STIMATE: variants seen among roughly 807,000 people sequenced by gnomAD.
STIMATE encodes the protein STIM activating enhancer.
Under a neutral mutation model 36.7 loss-of-function variants are expected in STIMATE, and 15 were observed. That is an observed-to-expected ratio of 0.41 (90% CI 0.27 to 0.63). The LOEUF is 0.63. Among genes scored for constraint, STIMATE ranks in the 20% least tolerant of loss-of-function variants. STIMATE has a pLI of 0.32. For missense variants in STIMATE, 305 were observed against 397.3 expected (o/e 0.77, Z 1.98); for synonymous variants, 163 against 162.3 (o/e 1.00, Z -0.03).
chr3:52,895,862 A>G, intron 1 of STIMATE: 1 of 1,285,224 alleles, frequency 7.8e-7, no homozygotes. Flanking sequence ...TAGGAGGGGT[A>G]TGAAGATCCA....
chr3:52,852,729 G>T, intron 2 of STIMATE, 31 bp from the exon 3 acceptor site: 1 of 1,609,652 alleles, frequency 6.2e-7, no homozygotes, highest in African/African-American at 1.3e-5. Context: ...CTGGTTATTA[G>T]CCTGACAGGA....
At position 52,852,568 on chromosome 3, in the gene STIMATE, C is replaced by T. The variant is rs374530442; in HGVS notation, c.305+35G>A. 1.3e-5 allele frequency: 21 copies of T among 1,610,732 alleles called. No homozygotes were observed. In the African/African-American group the frequency reaches 2.7e-4, roughly 20 times the overall value. On this transcript the variant is annotated intron_variant, in intron 3 of 7. Coordinates refer to ENST00000355083, the MANE Select transcript of STIMATE (RefSeq NM_198563.5). ...CCAGCCTATATTTTCAATGGAGGGG[C>T]AGCTGATGTTTGCACTCAAATAGGG...
rs1237219990 is a variant in STIMATE at position 52,843,710 on chromosome 3, A to T, written c.618+11T>A. The T allele has an allele frequency of 1.9e-6, 3 of 1,613,876 alleles. No individual in the cohort carries two copies. Among genetic ancestry groups the T allele is most frequent in the Non-Finnish European group, 2.5e-6 (3 of 1,179,962 alleles). The stretch of plus-strand genomic sequence containing the variant: ...GAGCAAATCGGGATAAAAATGCAAC[A>T]TGGCACTGACGTTGACAAAGAAGGG... On this transcript the variant is annotated intron_variant, in intron 6 of 7. Coordinates refer to ENST00000355083, the MANE Select transcript of STIMATE (RefSeq NM_198563.5).
At chr3:52,841,147 T>C (rs1362904616) in intron 7 of STIMATE, among the ~76,000 whole-genome samples, 2 of 152,202 alleles carry the variant, frequency 1.3e-5, no homozygotes, top group African/African-American at 4.8e-5. Flanking sequence ...CCCCTTCCTC[T>C]GCTAATGCTC....
intron 1 of STIMATE, chr3:52,895,779 T>A: frequency 1.2e-6 from 1 of 806,568 alleles, no homozygotes; most frequent in Non-Finnish European, 1.7e-6. Flanking sequence ...AAACCTCAGG[T>A]TAGGGAGCAA....
rs566763894 is a variant in STIMATE, at chr3:52,883,057, C to T, written c.160+14234G>A. Among the ~76,000 whole-genome samples, 10 of 152,310 alleles carry T rather than the reference C, an allele frequency of 6.6e-5. No homozygotes were observed. In the East Asian group the frequency reaches 1.7e-3, roughly 26 times the overall value. ...TGTTACTATCACACTTAACTCATGA[C>T]ATGGTAACTAAAGATGTCAAAACTT... is the stretch of plus-strand genomic sequence containing the variant. On this transcript the variant is annotated intron_variant, in intron 1 of 7. Transcript: ENST00000355083.
At chr3:52,897,265 G>A (rs1249600331) in intron 1 of STIMATE, 26 bp downstream of exon 1, 3 of 1,534,702 alleles carry the variant, frequency 2.0e-6, no homozygotes, top group African/African-American at 2.8e-5. Context: ...CAGGGCCTCC[G>A]GAGGGTCGGG....
intron 1 of STIMATE, among the ~76,000 whole-genome samples, chr3:52,889,903 G>A (rs1701754456): frequency 6.6e-6 from 1 of 152,172 alleles, no homozygotes; most frequent in African/African-American, 2.4e-5. Context: ...ACCCGTAAAA[G>A]AGGCCTGAAA....
intron 4 of STIMATE, among the ~76,000 whole-genome samples, chr3:52,849,054 C>T (rs11715347): frequency 0.52 from 78,915 of 152,124 alleles, 21,700 homozygotes; most frequent in East Asian, 0.62. Context: ...AGCCCACAGC[C>T]ATGAGCTCTT....
intron 1 of STIMATE, among the ~76,000 whole-genome samples, chr3:52,866,650 C>T (rs539694856): frequency 6.6e-6 from 1 of 152,346 alleles, no homozygotes; most frequent in Non-Finnish European, 1.5e-5. Flanking sequence ...TTCCACACGC[C>T]ACTCTCACTT....
intron 1 of STIMATE, among the ~76,000 whole-genome samples, chr3:52,884,268 CAG>C (rs1701657274): frequency 7.2e-6 from 1 of 138,462 alleles, no homozygotes; most frequent in Admixed American, 7.4e-5. Context: ...TTTTTTGAGA[CAG>C]AGTCTCACTC....
chr3:52,845,509 C>T (rs1387924512), intron 4 of STIMATE, among the ~76,000 whole-genome samples: 2 of 152,210 alleles, frequency 1.3e-5, no homozygotes, highest in South Asian at 2.1e-4. Flanking sequence ...TGGACTCTAC[C>T]TGTCCAGCAT....
At chr3:52,878,351 G>A (rs1701537585) in intron 1 of STIMATE, among the ~76,000 whole-genome samples, 1 of 150,836 alleles carries the variant, frequency 6.6e-6, no homozygotes, top group Admixed American at 6.6e-5. Context: ...CTAGAAGTCT[G>A]ATGGTCCTGG....
intron 1 of STIMATE, among the ~76,000 whole-genome samples, chr3:52,864,072 C>G (rs1324696676): frequency 6.6e-6 from 1 of 152,226 alleles, no homozygotes; most frequent in African/African-American, 2.4e-5. Flanking sequence ...GACAGTGGCC[C>G]TCTTCTCACA....
At chr3:52,875,358 C>A (rs970655176) in intron 1 of STIMATE, among the ~76,000 whole-genome samples, 1 of 152,162 alleles carries the variant, frequency 6.6e-6, no homozygotes, top group Non-Finnish European at 1.5e-5. Flanking sequence ...AGAGGTAACA[C>A]GTGTAGCCCC....
In STIMATE at chr3:52,876,536, C is replaced by T. The variant is rs549572743; in HGVS notation, c.160+20755G>A. ...CGGATTTTCTCCCATCTCTGCCACC[C>T]GACACGGCAAGACCAACCCTGAATC... is the stretch of plus-strand genomic sequence containing the variant. On this transcript the variant is annotated intron_variant, in intron 1 of 7. Transcript: ENST00000355083. 1.4e-4 allele frequency among the ~76,000 whole-genome samples: 21 copies of T among 152,302 alleles called. No individual in the cohort carries two copies. The East Asian group carries it at 2.9e-3, about 21-fold the overall frequency.
rs1700770846 is a variant in STIMATE at position 52,840,133 on chromosome 3, G to C, written c.*361C>G. ...GTGAGGAGACCCACCCACGGTCTGT[G>C]TGCCTGTGCTTCCTTCCACCTTGCC... On this transcript the variant is annotated 3_prime_UTR_variant, in exon 8 of 8. Coordinates refer to ENST00000355083, the MANE Select transcript of STIMATE (RefSeq NM_198563.5). The C allele has an allele frequency of 1.3e-5, 2 of 153,984 alleles. No individual in the cohort carries two copies. Among genetic ancestry groups the C allele is most frequent in the South Asian group, 2.0e-4 (1 of 4,916 alleles). The allele number at this position is 153,984 out of a possible 1,614,324, so 9.5% of individuals were successfully genotyped here.
intron 1 of STIMATE, among the ~76,000 whole-genome samples, chr3:52,866,819 C>T (rs921635737): frequency 6.6e-5 from 10 of 152,144 alleles, no homozygotes; most frequent in Non-Finnish European, 7.4e-5. Flanking sequence ...AAAACACAGG[C>T]GTTGGAAGGG....
chr3:52,897,287 T>G lies in STIMATE; in HGVS notation c.160+4A>C. 1 of 1,546,748 alleles carries G rather than the reference T, an allele frequency of 6.5e-7. No individual in the cohort carries two copies. Among genetic ancestry groups the G allele is most frequent in the Non-Finnish European group, 8.7e-7 (1 of 1,153,438 alleles). On this transcript the variant is annotated splice_donor_region_variant and intron_variant, in intron 1 of 7. Transcript: ENST00000355083. ...TCCGGAGGGTCGGGGGGTCCCAGACTCACGCATTAACGTGCTGAAGGCCAC... is the reference window on the plus strand; with the variant it reads ...TCCGGAGGGTCGGGGGGTCCCAGACGCACGCATTAACGTGCTGAAGGCCAC...
Sources: allele counts gnomAD v4.1 joint callset (sites outside exome capture counted in the v4.1 genomes callset), GRCh38; gene constraint gnomAD v4.1.1; transcripts MANE v1.5; gene names NCBI Gene and HGNC (gene_info 2026-07-23, HGNC 2026-07-21).